Variants in SAMD4A observed in about 807,000 individuals in gnomAD.
SAMD4A encodes the protein protein Smaug homolog 1.
In SAMD4A, 33 loss-of-function variants were observed where a neutral mutation model predicts 81.3. The observed-to-expected ratio is 0.41, with a 90% CI of 0.31 to 0.54. The LOEUF is 0.54. Ranked by LOEUF, SAMD4A falls within the 20% of genes least tolerant of loss-of-function variation. The pLI is 0.37. For synonymous variants in SAMD4A, 389 were observed against 382.1 expected, an observed-to-expected ratio of 1.02 and a Z score of -0.21; for missense variants, 854 against 951.1, an observed-to-expected ratio of 0.90 and a Z score of 1.34.
chr14:54,745,849 C>T (rs990527719), intron 4 of SAMD4A, among the ~76,000 whole-genome samples: 1 of 152,216 alleles, frequency 6.6e-6, no homozygotes, highest in Non-Finnish European at 1.5e-5. Context: ...TCAGCTTCTG[C>T]AGGAAACAGT....
chr14:54,741,584 G>A (rs887958458), intron 4 of SAMD4A, among the ~76,000 whole-genome samples: 2 of 152,204 alleles, frequency 1.3e-5, no homozygotes, highest in Non-Finnish European at 2.9e-5. Context: ...TGCCTGAAGC[G>A]AATCACTATC....
At chr14:54,565,448 T>C (rs2140085025), upstream of SAMD4A, among the ~76,000 whole-genome samples, 1 of 152,334 alleles carries the variant, frequency 6.6e-6, no homozygotes, top group African/African-American at 2.4e-5. The surrounding 1 kb of genome is among the most constrained non-coding windows in gnomAD (Gnocchi z 5.4). Context: ...GCAAAGGGCA[T>C]CCGGCACCCG....
chr14:54,736,517 C>T (rs182487069), intron 3 of SAMD4A, among the ~76,000 whole-genome samples: 158 of 152,330 alleles, frequency 1.0e-3, no homozygotes, highest in Middle Eastern at 3.4e-3. Flanking sequence ...AAAGATTAGT[C>T]CACCTTCTTC....
rs1218728721 is a variant in SAMD4A, at chr14:54,793,203, CA to C, written c.*4261del. 5 of 152,136 alleles carry C rather than the reference CA, an allele frequency of 3.3e-5. No individual in the cohort carries two copies. The highest frequency in any genetic ancestry group is 1.2e-4 in the African/African-American group (5 of 41,420). The allele number at this position is 152,136 out of a possible 1,614,324, so 9.4% of individuals were successfully genotyped here. ...ACACCCTTGTGGTTTAAACTTGCTA[CA>C]ATGTATTTATTATTCATTTCCTCCC... On this transcript the variant is annotated 3_prime_UTR_variant, in exon 13 of 13. Transcript: ENST00000554335.
rs142604437 is a variant in SAMD4A, at chr14:54,736,582, T to G, written c.716-442T>G. 8.3e-4 allele frequency among the ~76,000 whole-genome samples: 127 copies of G among 152,364 alleles called. 1 individual carries two copies. Among genetic ancestry groups the G allele is most frequent in the African/African-American group, 3.0e-3 (125 of 41,596 alleles). ...TGGCCAGCCCGGCTGCCCTTCAAGA[T>G]GTCCTCCTGAACAACATGGGTAATG... On this transcript the variant is annotated intron_variant, in intron 3 of 12. Transcript: ENST00000554335.
intron 2 of SAMD4A, among the ~76,000 whole-genome samples, chr14:54,675,517 T>C (rs2035975485): frequency 6.6e-6 from 1 of 152,144 alleles, no homozygotes; most frequent in Non-Finnish European, 1.5e-5. Context: ...GACTAAGCAA[T>C]AGTGTAAGGA....
At chr14:54,602,582 A>G (rs1432576174) in intron 2 of SAMD4A, among the ~76,000 whole-genome samples, 6 of 151,556 alleles carry the variant, frequency 4.0e-5, no homozygotes, top group African/African-American at 1.2e-4. Flanking sequence ...TGTTGGGGCT[A>G]GAATTGGGAA....
rs1220153124 is a variant in SAMD4A at position 54,567,477 on chromosome 14, G to T, written c.-421-19G>T. 6.0e-6 allele frequency: 1 copy of T among 167,590 alleles called. No individual in the cohort carries two copies. Among genetic ancestry groups the T allele is most frequent in the Non-Finnish European group, 1.3e-5 (1 of 78,406 alleles). 10.4% of individuals were successfully genotyped at this position (167,590 alleles called of 1,614,324 possible). A position where few individuals can be genotyped will look rare whatever the true frequency, so the allele number is the denominator to read the frequency against. On this transcript the variant is annotated intron_variant, in intron 1 of 12. Transcript: ENST00000554335. ...CTCCGCTAGCCGAGGTCTCACTGCAGCTCTTTCTCTCCTTCCAGTGGTGAT... is the reference window on the plus strand; with the variant it reads ...CTCCGCTAGCCGAGGTCTCACTGCATCTCTTTCTCTCCTTCCAGTGGTGAT...
chr14:54,658,912 G>A (rs1156551119), intron 2 of SAMD4A, among the ~76,000 whole-genome samples: 1 of 152,212 alleles, frequency 6.6e-6, no homozygotes, highest in Admixed American at 6.5e-5. Flanking sequence ...TTTGTGGGGG[G>A]CAGAAGAATC....
At chr14:54,759,368 C>G (rs534298681) in intron 6 of SAMD4A, among the ~76,000 whole-genome samples, 32 of 152,318 alleles carry the variant, frequency 2.1e-4, no homozygotes, top group African/African-American at 7.5e-4. Context: ...CAGACTCCCC[C>G]CTCAGAGCCT....
chr14:54,650,788 A>T (rs1171345301), intron 2 of SAMD4A, among the ~76,000 whole-genome samples: 1 of 151,936 alleles, frequency 6.6e-6, no homozygotes, highest in Non-Finnish European at 1.5e-5. Flanking sequence ...CCTATAAATA[A>T]TCTATTTTTT....
At position 54,789,706 on chromosome 14, in the gene SAMD4A, CG is replaced by C; in HGVS notation, c.*764del. ...GAGCAGCAGAGTTGTCTTCTCAAAA[CG>C]GCTGCCAAGCTCTGCTTCTTGGGAA... On this transcript the variant is annotated 3_prime_UTR_variant, in exon 13 of 13. Transcript: ENST00000554335. The C allele has an allele frequency of 6.6e-6, 1 of 152,358 alleles. No individual in the cohort carries two copies. Among genetic ancestry groups the C allele is most frequent in the Non-Finnish European group, 1.5e-5 (1 of 68,050 alleles). 9.4% of individuals were successfully genotyped at this position (152,358 alleles called of 1,614,324 possible).
intron 2 of SAMD4A, among the ~76,000 whole-genome samples, chr14:54,591,082 A>G (rs953461160): frequency 6.6e-6 from 1 of 152,080 alleles, no homozygotes; most frequent in African/African-American, 2.4e-5. Context: ...ATGAGGGGCT[A>G]TTTTTCTGGC....
chr14:54,677,257 T>C (rs142809657), intron 2 of SAMD4A, among the ~76,000 whole-genome samples: 20 of 152,362 alleles, frequency 1.3e-4, no homozygotes, highest in African/African-American at 4.6e-4. Context: ...GGCAACCAAA[T>C]TGGTCATGGT....
At chr14:54,639,236 G>A (rs1027622158) in intron 2 of SAMD4A, among the ~76,000 whole-genome samples, 1 of 152,204 alleles carries the variant, frequency 6.6e-6, no homozygotes. Flanking sequence ...CACAGTGCCT[G>A]TTGCGTGGGG....
chr14:54,577,426 A>G (rs192142175), intron 2 of SAMD4A, among the ~76,000 whole-genome samples: 1 of 152,232 alleles, frequency 6.6e-6, no homozygotes, highest in Non-Finnish European at 1.5e-5. Flanking sequence ...ACCTAGAAGG[A>G]TAGCTCATGG....
At chr14:54,660,404 C>T (rs956997668) in intron 2 of SAMD4A, among the ~76,000 whole-genome samples, 1 of 152,164 alleles carries the variant, frequency 6.6e-6, no homozygotes, top group African/African-American at 2.4e-5. Context: ...GTCCATTTGC[C>T]CCAGCATAAA....
intron 2 of SAMD4A, among the ~76,000 whole-genome samples, chr14:54,581,753 T>A (rs2033475772): frequency 6.6e-6 from 1 of 152,240 alleles, no homozygotes; most frequent in Admixed American, 6.5e-5. Context: ...AAATTTCTGA[T>A]AATTTTTTAA....
chr14:54,701,952 G>A (rs2036729890), intron 2 of SAMD4A, 110 bp from the exon 3 acceptor site: 1 of 1,193,978 alleles, frequency 8.4e-7, no homozygotes. Flanking sequence ...AGAAAATATA[G>A]CCAGACTATG....
Sources: gnomAD v4.1 joint callset for allele counts (sites outside exome capture counted in the v4.1 genomes callset) on GRCh38, gnomAD v4.1.1 for gene constraint, Gnocchi (gnomAD v3.1) non-coding constraint, MANE v1.5 for transcripts, NCBI Gene and HGNC (gene_info 2026-07-23, HGNC 2026-07-21) for gene names.